TTC29: variants seen among roughly 807,000 people sequenced by gnomAD.
TTC29 encodes the protein tetratricopeptide repeat protein 29.
Under a neutral mutation model 58.1 loss-of-function variants are expected in TTC29, and 49 were observed. The ratio of observed to expected loss-of-function variants is 0.84; its 90% CI spans 0.67 to 1.07. The LOEUF (loss-of-function observed/expected upper bound fraction) is 1.07. TTC29 is among the 50% of genes least tolerant of loss of function. TTC29 has a pLI of 0.00. For missense variants in TTC29, 582 were observed against 555.6 expected, an observed-to-expected ratio of 1.05 and a Z score of -0.48; for synonymous variants, 209 against 196.8, an observed-to-expected ratio of 1.06 and a Z score of -0.52.
At chr4:146,894,728 A>G (rs193006139) in intron 6 of TTC29, among the ~76,000 whole-genome samples, 2 of 152,284 alleles carry the variant, frequency 1.3e-5, no homozygotes, top group East Asian at 3.9e-4. Context: ...ACCCAGTCTC[A>G]GGTAGTTCCT....
chr4:146,816,973 T>C (rs1459314982), intron 10 of TTC29, among the ~76,000 whole-genome samples: 2 of 152,108 alleles, frequency 1.3e-5, no homozygotes, highest in Non-Finnish European at 2.9e-5. Flanking sequence ...AATTGTTTGA[T>C]ACCACTAAGG....
At chr4:146,885,353 T>C (rs901962278) in intron 6 of TTC29, among the ~76,000 whole-genome samples, 11 of 152,148 alleles carry the variant, frequency 7.2e-5, no homozygotes, top group African/African-American at 2.7e-4. Context: ...TAAGTATTGC[T>C]GACAACACCA....
intron 11 of TTC29, among the ~76,000 whole-genome samples, chr4:146,714,865 A>T (rs1416765013): frequency 1.3e-5 from 2 of 152,162 alleles, no homozygotes; most frequent in African/African-American, 4.8e-5. Flanking sequence ...GAAGGATGTA[A>T]TTGTAAACTT....
At chr4:146,726,597 G>A (rs753676468) in intron 11 of TTC29, among the ~76,000 whole-genome samples, 4 of 152,064 alleles carry the variant, frequency 2.6e-5, no homozygotes, top group Non-Finnish European at 4.4e-5. Flanking sequence ...AAGGTTTTGT[G>A]ATATTTTTCA....
At chr4:146,903,504 C>T in intron 6 of TTC29, 40 bp downstream of exon 6, 3 of 1,554,840 alleles carry the variant, frequency 1.9e-6, no homozygotes, top group Non-Finnish European at 2.6e-6. Flanking sequence ...TCAGGATCCA[C>T]CAAAACATAC....
chr4:146,803,456 C>T lies in TTC29; in HGVS notation c.1330+1G>A. On this transcript the variant is annotated splice_donor_variant, in intron 11 of 12. Coordinates refer to ENST00000325106, the MANE Select transcript of TTC29 (RefSeq NM_031956.4). LOFTEE classifies it high-confidence loss of function. Reference sequence around the variant, plus strand: ...AAGTGTTCTAAAAACCAATGCCTTACCAGTAACTGGATCAGGTTCAATGTT... The same window carrying T: ...AAGTGTTCTAAAAACCAATGCCTTATCAGTAACTGGATCAGGTTCAATGTT... The T allele has an allele frequency of 1.3e-6, 2 of 1,567,298 alleles. No homozygotes were observed. The highest frequency in any genetic ancestry group is 8.7e-7 in the Non-Finnish European group (1 of 1,153,092).
At chr4:146,758,145 G>A (rs969106061) in intron 11 of TTC29, among the ~76,000 whole-genome samples, 2 of 152,044 alleles carry the variant, frequency 1.3e-5, no homozygotes, top group Non-Finnish European at 2.9e-5. Context: ...GGTGGAAAAA[G>A]GCATTTCATG....
chr4:146,721,178 A>G (rs1743327336), intron 11 of TTC29, among the ~76,000 whole-genome samples: 1 of 152,166 alleles, frequency 6.6e-6, no homozygotes, highest in Non-Finnish European at 1.5e-5. Context: ...AGTTAAATGC[A>G]TTTAAATGCT....
At chr4:146,925,248 C>T (rs946096912) in intron 4 of TTC29, among the ~76,000 whole-genome samples, 1 of 152,018 alleles carries the variant, frequency 6.6e-6, no homozygotes, top group South Asian at 2.1e-4. Context: ...TCCAAGGCTT[C>T]TATATTCCTA....
At chr4:146,906,849 C>T (rs1164439818) in intron 5 of TTC29, among the ~76,000 whole-genome samples, 5 of 152,208 alleles carry the variant, frequency 3.3e-5, no homozygotes, top group Non-Finnish European at 5.9e-5. Context: ...GGGCCAGGTG[C>T]GGTGGCTTAC....
At chr4:146,909,353 T>A (rs1458091286) in intron 4 of TTC29, 104 bp from the exon 5 acceptor site, 2 of 883,504 alleles carry the variant, frequency 2.3e-6, no homozygotes, top group East Asian at 5.3e-5. Context: ...TTGCCTTTTA[T>A]CCCTCAGTGA....
intron 8 of TTC29, among the ~76,000 whole-genome samples, chr4:146,860,713 A>G (rs945295747): frequency 6.6e-6 from 1 of 152,188 alleles, no homozygotes; most frequent in Non-Finnish European, 1.5e-5. Context: ...TTTCCATTTA[A>G]TATTTTCAGA....
intron 8 of TTC29, among the ~76,000 whole-genome samples, chr4:146,864,806 T>G (rs184137778): frequency 6.6e-6 from 1 of 152,296 alleles, no homozygotes; most frequent in Non-Finnish European, 1.5e-5. Flanking sequence ...TATAAGAATG[T>G]TTGTCTTCAT....
intron 11 of TTC29, among the ~76,000 whole-genome samples, chr4:146,734,539 T>C (rs1462312174): frequency 6.6e-6 from 1 of 152,106 alleles, no homozygotes; most frequent in Non-Finnish European, 1.5e-5. Flanking sequence ...GTTCCAGGAC[T>C]TGCGACAGGT....
chr4:146,916,807 CT>C (rs1734251346), intron 4 of TTC29, among the ~76,000 whole-genome samples: 1 of 151,396 alleles, frequency 6.6e-6, no homozygotes, highest in Non-Finnish European at 1.5e-5. Flanking sequence ...GCATGGTATT[CT>C]ATCTCATCCA....
At chr4:146,800,580 T>G (rs939729461) in intron 11 of TTC29, among the ~76,000 whole-genome samples, 9 of 152,170 alleles carry the variant, frequency 5.9e-5, no homozygotes, top group South Asian at 2.1e-4. Context: ...GTTGGGTGAG[T>G]GTCATCCTTC....
At chr4:146,816,024 A>C (rs960976223) in intron 10 of TTC29, among the ~76,000 whole-genome samples, 1 of 152,188 alleles carries the variant, frequency 6.6e-6, no homozygotes, top group Non-Finnish European at 1.5e-5. Flanking sequence ...ATATCTCAGC[A>C]ATGTGTATTT....
chr4:146,806,670 T>A (rs1204665503), intron 10 of TTC29, among the ~76,000 whole-genome samples: 1 of 149,280 alleles, frequency 6.7e-6, no homozygotes, highest in Non-Finnish European at 1.5e-5. Flanking sequence ...AAGGGATCAA[T>A]GAAGCAAGAA....
intron 11 of TTC29, among the ~76,000 whole-genome samples, chr4:146,719,813 T>C (rs1225999698): frequency 6.6e-6 from 1 of 152,134 alleles, no homozygotes; most frequent in Admixed American, 6.6e-5. Flanking sequence ...CCCTAATGGA[T>C]TCAGCTTCAT....
Sources: gnomAD v4.1 joint callset for allele counts (sites outside exome capture counted in the v4.1 genomes callset) on GRCh38, gnomAD v4.1.1 for gene constraint, MANE v1.5 for transcripts, NCBI Gene and HGNC (gene_info 2026-07-23, HGNC 2026-07-21) for gene names.